Variants in FSHR observed in about 807,000 individuals in gnomAD.
FSHR encodes follicle stimulating hormone receptor.
FSHR carries 46 observed loss-of-function variants against 52.1 expected under a neutral mutation model. The ratio of observed to expected loss-of-function variants is 0.88; its 90% CI spans 0.70 to 1.13. The LOEUF is 1.13. Ranked by LOEUF, FSHR falls within the 50% of genes most tolerant of loss-of-function variation. The pLI is 0.00. For synonymous variants in FSHR, 399 were observed against 309.6 expected (o/e 1.29, Z -3.03); for missense variants, 964 against 834.6 (o/e 1.16, Z -1.91).
rs1239141598 is a variant in FSHR, at chr2:49,021,112, TAA to T, written c.225-954_225-953del. 1.9e-4 allele frequency among the ~76,000 whole-genome samples: 29 copies of T among 152,180 alleles called. 2 individuals are homozygous for T. The highest frequency in any genetic ancestry group is 1.9e-3 in the Admixed American group (29 of 15,262). ...GGAACTTAAAAATTAAGAAAAATAA[TAA>T]AATAAAACATATATTTAAATCCCTT... On this transcript the variant is annotated intron_variant, in intron 2 of 9. Transcript: ENST00000406846.
intron 2 of FSHR, among the ~76,000 whole-genome samples, chr2:49,058,759 C>A (rs1558416313): frequency 6.6e-6 from 1 of 151,920 alleles, no homozygotes; most frequent in Non-Finnish European, 1.5e-5. Context: ...GGAAAAAGGC[C>A]TCTACAGGGA....
At chr2:49,091,803 G>T (rs1479371362) in intron 1 of FSHR, among the ~76,000 whole-genome samples, 2 of 152,090 alleles carry the variant, frequency 1.3e-5, no homozygotes, top group Admixed American at 1.3e-4. Context: ...CTTTAAATTG[G>T]TTAACATGAG....
intron 1 of FSHR, among the ~76,000 whole-genome samples, chr2:49,092,588 TA>T (rs1483740573): frequency 2.0e-5 from 3 of 152,214 alleles, no homozygotes; most frequent in Non-Finnish European, 4.4e-5. Context: ...TTAATTGATT[TA>T]ATCTTTTTTC....
chr2:49,092,262 T>G (rs1239116727), intron 1 of FSHR, among the ~76,000 whole-genome samples: 1 of 152,202 alleles, frequency 6.6e-6, no homozygotes, highest in Non-Finnish European at 1.5e-5. Context: ...ATAAGAGCGT[T>G]TTTTTGGAGA....
At chr2:49,067,273 C>T (rs2103616391) in intron 2 of FSHR, among the ~76,000 whole-genome samples, 1 of 152,222 alleles carries the variant, frequency 6.6e-6, no homozygotes, top group African/African-American at 2.4e-5. Flanking sequence ...ATAATGACAT[C>T]TTCTATACTT....
At position 49,154,289 on chromosome 2, in the gene FSHR, G is replaced by A. The variant is rs758079218; in HGVS notation, c.129C>T (p.Asp43=). 6.2e-7 allele frequency: 1 copy of A among 1,613,898 alleles called. No individual in the cohort carries two copies. Among genetic ancestry groups the A allele is most frequent in the Admixed American group, 1.7e-5 (1 of 59,988 alleles). The part of the protein sequence containing the change: ...QESKVTEIPS[D]LPRNAIELRF... The stretch of plus-strand genomic sequence containing the variant: ...ACAGTTCAATGGCATTCCTCGGGAG[G>A]TCAGAAGGAATCTCTGTCACCTTGC... The change falls in exon 1 of 10, where the codon GAC becomes GAT. Residue 43 remains aspartate, a synonymous_variant. Coordinates refer to ENST00000406846, the MANE Select transcript of FSHR (RefSeq NM_000145.4).
At chr2:49,077,959 A>G (rs1047068952) in intron 1 of FSHR, among the ~76,000 whole-genome samples, 1 of 152,142 alleles carries the variant, frequency 6.6e-6, no homozygotes, top group African/African-American at 2.4e-5. Flanking sequence ...GGAAGTTCCA[A>G]ACTTTCCCAC....
At chr2:48,979,649 A>G in intron 8 of FSHR, among the ~76,000 whole-genome samples, 1 of 152,042 alleles carries the variant, frequency 6.6e-6, no homozygotes, top group East Asian at 1.9e-4. Flanking sequence ...ATTCAGTACA[A>G]CTTTGAAGGA....
intron 4 of FSHR, among the ~76,000 whole-genome samples, chr2:48,992,912 C>T (rs1675850932): frequency 6.6e-6 from 1 of 152,160 alleles, no homozygotes; most frequent in Non-Finnish European, 1.5e-5. Flanking sequence ...ATGCCAAAGT[C>T]TACAAACTCA....
At chr2:49,016,531 G>T (rs900149427) in intron 4 of FSHR, among the ~76,000 whole-genome samples, 2 of 152,132 alleles carry the variant, frequency 1.3e-5, no homozygotes. Flanking sequence ...TTAGAGGAGG[G>T]CTGAGTCATC....
intron 2 of FSHR, among the ~76,000 whole-genome samples, chr2:49,035,449 C>T (rs1668241494): frequency 6.6e-6 from 1 of 152,210 alleles, no homozygotes; most frequent in Non-Finnish European, 1.5e-5. Context: ...GTATCCTCTT[C>T]TCTGCCTCCC....
intron 2 of FSHR, among the ~76,000 whole-genome samples, chr2:49,065,440 C>T (rs922353481): frequency 6.6e-6 from 1 of 152,006 alleles, no homozygotes; most frequent in Non-Finnish European, 1.5e-5. Context: ...GGAGGAGCAC[C>T]TTGGCATAAG....
intron 4 of FSHR, among the ~76,000 whole-genome samples, chr2:49,004,327 C>A (rs1335997909): frequency 6.6e-6 from 1 of 152,200 alleles, no homozygotes; most frequent in Admixed American, 6.5e-5. Flanking sequence ...TAATTTACAG[C>A]TGATTTAAGC....
intron 2 of FSHR, among the ~76,000 whole-genome samples, chr2:49,061,736 CTATT>C (rs1234589973): frequency 6.8e-5 from 4 of 58,424 alleles, no homozygotes; most frequent in African/African-American, 1.8e-4. Flanking sequence ...AAATATATAG[CTATT>C]TATATATAAC....
At chr2:49,124,626 C>T (rs150859169) in intron 1 of FSHR, among the ~76,000 whole-genome samples, 3 of 152,020 alleles carry the variant, frequency 2.0e-5, no homozygotes, top group African/African-American at 7.2e-5. Context: ...CCCAATTAGA[C>T]TTGTCAGTAG....
intron 1 of FSHR, among the ~76,000 whole-genome samples, chr2:49,142,481 T>G (rs551047499): frequency 3.3e-5 from 5 of 152,190 alleles, no homozygotes; most frequent in Non-Finnish European, 7.3e-5. Flanking sequence ...TTTGTAGTCA[T>G]GGCAAAGCAC....
chr2:49,054,123 T>C (rs566130031), intron 2 of FSHR, among the ~76,000 whole-genome samples: 1 of 152,330 alleles, frequency 6.6e-6, no homozygotes, highest in East Asian at 1.9e-4. Context: ...GGACAGAGAA[T>C]TTGATCTGTT....
At chr2:49,013,513 T>TATATAA (rs1553333459) in intron 4 of FSHR, among the ~76,000 whole-genome samples, 8 of 136,588 alleles carry the variant, frequency 5.9e-5, no homozygotes, top group African/African-American at 8.4e-5. Context: ...TATATATATA[T>TATATAA]ATAAATATAT....
intron 1 of FSHR, among the ~76,000 whole-genome samples, chr2:49,117,414 T>C (rs745603356): frequency 4.6e-5 from 7 of 152,336 alleles, no homozygotes; most frequent in Non-Finnish European, 8.8e-5. Flanking sequence ...AATAGTGTAC[T>C]GATGAAAAGT....
Sources: allele counts gnomAD v4.1 joint callset (sites outside exome capture counted in the v4.1 genomes callset), GRCh38; gene constraint gnomAD v4.1.1; transcripts MANE v1.5; gene names NCBI Gene and HGNC (gene_info 2026-07-23, HGNC 2026-07-21).